COL9A1: variants seen among roughly 807,000 people sequenced by gnomAD.
COL9A1 encodes the protein collagen type IX alpha 1 chain, also known as collagen alpha-1(IX) chain.
A neutral mutation model predicts 142.6 loss-of-function variants in COL9A1; 104 were observed. The observed-to-expected ratio is 0.73, with a 90% CI of 0.62 to 0.86. The LOEUF is 0.86. COL9A1 is among the 40% of genes least tolerant of loss of function. COL9A1 has a pLI of 0.00. For synonymous variants in COL9A1, 466 were observed against 396.0 expected (o/e 1.18, Z -2.10); for missense variants, 1,210 against 1,176.6 (o/e 1.03, Z -0.42).
At chr6:70,266,827 G>T in intron 17 of COL9A1, 57 bp from the exon 18 acceptor site, 1 of 1,407,304 alleles carries the variant, frequency 7.1e-7, no homozygotes, top group Non-Finnish European at 1.0e-6. Flanking sequence ...TGATCAGAAG[G>T]CTCATAAAGT....
At chr6:70,266,039 C>T (rs1771987420) in intron 18 of COL9A1, among the ~76,000 whole-genome samples, 1 of 152,152 alleles carries the variant, frequency 6.6e-6, no homozygotes, top group Admixed American at 6.5e-5. Context: ...AGAAAACCTA[C>T]TATGCAGGAA....
chr6:70,269,798 C>G (rs555342039), intron 15 of COL9A1, 133 bp from the exon 16 acceptor site: 1 of 629,068 alleles, frequency 1.6e-6, no homozygotes. Flanking sequence ...AGATAATATG[C>G]TAATATTCTA....
intron 7 of COL9A1, among the ~76,000 whole-genome samples, chr6:70,282,641 T>G (rs1160639956): frequency 6.6e-6 from 1 of 152,174 alleles, no homozygotes; most frequent in Non-Finnish European, 1.5e-5. Context: ...CGGTCTCCAG[T>G]CACCTATTAC....
intron 18 of COL9A1, 122 bp from the exon 19 acceptor site, chr6:70,263,419 C>A: frequency 1.4e-6 from 1 of 732,510 alleles, no homozygotes; most frequent in Admixed American, 3.0e-5. Flanking sequence ...AATTATTCTA[C>A]TTTCTTAAAT....
intron 36 of COL9A1, 100 bp from the exon 37 acceptor site, chr6:70,226,109 G>T: frequency 2.8e-6 from 3 of 1,055,930 alleles, no homozygotes; most frequent in Admixed American, 2.0e-5. Context: ...AAACCAAAAG[G>T]TCATGAAATT....
chr6:70,287,185 A>G (rs1773486861), intron 5 of COL9A1, among the ~76,000 whole-genome samples: 1 of 152,124 alleles, frequency 6.6e-6, no homozygotes, highest in South Asian at 2.1e-4. Context: ...TAGGGTTTAC[A>G]TAGAGGGGTT....
chr6:70,300,867 C>A (rs768398817), intron 2 of COL9A1, among the ~76,000 whole-genome samples: 5 of 152,134 alleles, frequency 3.3e-5, no homozygotes, highest in African/African-American at 7.2e-5. Context: ...CCAGAGCCAA[C>A]CTTGGTCCAG....
intron 6 of COL9A1, chr6:70,283,239 G>A (rs1773290406): frequency 4.8e-6 from 7 of 1,451,052 alleles, no homozygotes; most frequent in East Asian, 2.5e-5. Context: ...GCCCCGGAGA[G>A]GGTCCTGGGA....
rs6914511 is a variant in COL9A1 at position 70,240,652 on chromosome 6, T to C, written c.2079+37A>G. On this transcript the variant is annotated intron_variant, in intron 32 of 37. Coordinates refer to ENST00000357250, the MANE Select transcript of COL9A1 (RefSeq NM_001851.6). ...TATACTTCTAACAGTTCAAAATTGG[T>C]AAAGCTTCATCATTAACCAGAAAAA... The C allele has an allele frequency of 0.071, 109,405 of 1,549,114 alleles. 4,212 individuals carry two copies. Among genetic ancestry groups the C allele is most frequent in the African/African-American group, 0.11 (7,905 of 72,912 alleles).
At position 70,280,767 on chromosome 6, in the gene COL9A1, C is replaced by T. The variant is rs7764822; in HGVS notation, c.975+45G>A. 299,747 of 1,585,528 alleles carry T rather than the reference C, an allele frequency of 0.19. 30,348 individuals carry two copies. Among genetic ancestry groups the T allele is most frequent in the African/African-American group, 0.3 (22,475 of 73,960 alleles). ...CAAAACACACACTTACTCGTACCCA[C>T]CACACACCCCAGGCTGGGCGCCCTC... On this transcript the variant is annotated intron_variant, in intron 10 of 37. Coordinates refer to ENST00000357250, the MANE Select transcript of COL9A1 (RefSeq NM_001851.6).
intron 11 of COL9A1, 104 bp downstream of exon 11, chr6:70,274,615 T>C (rs1469926990): frequency 1.1e-6 from 1 of 934,318 alleles, no homozygotes; most frequent in African/African-American, 1.6e-5. Flanking sequence ...AACGAGTGCA[T>C]TTTAGATACT....
chr6:70,226,677 G>A (rs1769249237), intron 36 of COL9A1, among the ~76,000 whole-genome samples: 2 of 151,922 alleles, frequency 1.3e-5, no homozygotes, highest in Admixed American at 1.3e-4. Flanking sequence ...AAATAGGCAA[G>A]TCCAACATGA....
intron 14 of COL9A1, among the ~76,000 whole-genome samples, chr6:70,271,449 T>C (rs1772396270): frequency 6.6e-6 from 1 of 152,210 alleles, no homozygotes; most frequent in Non-Finnish European, 1.5e-5. Context: ...AAGAAAAGTT[T>C]AGCTGAAAAA....
chr6:70,272,140 A>C, intron 12 of COL9A1, 52 bp from the exon 13 acceptor site: 1 of 1,449,400 alleles, frequency 6.9e-7, no homozygotes, highest in East Asian at 2.3e-5. Flanking sequence ...ACTTAGTATA[A>C]ATATGAATGT....
At chr6:70,297,846 A>C (rs1208419413) in intron 4 of COL9A1, among the ~76,000 whole-genome samples, 1 of 151,970 alleles carries the variant, frequency 6.6e-6, no homozygotes, top group Non-Finnish European at 1.5e-5. Context: ...AAAATAAGGA[A>C]TAAAAAACAG....
chr6:70,215,320 C>CCAA (rs1768435724), downstream of COL9A1: 1 of 152,130 alleles, frequency 6.6e-6, no homozygotes, highest in Non-Finnish European at 1.5e-5. Flanking sequence ...ATACAGATTA[C>CCAA]ATAATGATTG....
Position 70,274,068 on chromosome 6 carries a change from C to A in COL9A1, c.1044G>T (p.Val348=). 3 of 1,584,432 alleles carry A rather than the reference C, an allele frequency of 1.9e-6. No individual in the cohort carries two copies. Among genetic ancestry groups the A allele is most frequent in the South Asian group, 2.3e-5 (2 of 86,140 alleles). ...TTACTGGAAATCCACGCGATCCAGG[C>A]ACACCAGGTTCTCCCTAAAAATAAA... is the stretch of plus-strand genomic sequence containing the variant. ...GSKGQKGEPG[V]PGSRGFPGRG... is the part of the protein sequence containing the mutation. Residue 348 remains valine (V), a synonymous_variant, in exon 12 of 38, where the codon GTG becomes GTT. Transcript: ENST00000357250.
At chr6:70,246,030 C>T (rs1160947938) in intron 28 of COL9A1, 1 of 152,228 alleles carries the variant, frequency 6.6e-6, no homozygotes, top group Non-Finnish European at 1.5e-5. Flanking sequence ...CCACATACGT[C>T]CCCAACAAAT....
At chr6:70,235,367 C>T (rs940343791) in intron 33 of COL9A1, among the ~76,000 whole-genome samples, 3 of 151,998 alleles carry the variant, frequency 2.0e-5, no homozygotes, top group African/African-American at 4.8e-5. Flanking sequence ...GCAGGAGAAT[C>T]GCTTGAACCC....
Sources: gnomAD v4.1 joint callset for allele counts (sites outside exome capture counted in the v4.1 genomes callset) on GRCh38, gnomAD v4.1.1 for gene constraint, MANE v1.5 for transcripts, NCBI Gene and HGNC (gene_info 2026-07-23, HGNC 2026-07-21) for gene names.